NIPBL: variants seen among roughly 807,000 people sequenced by gnomAD.
The protein encoded by NIPBL is NIPBL cohesin loading factor.
NIPBL carries 19 observed loss-of-function variants against 321.8 expected under a neutral mutation model. The ratio of observed to expected loss-of-function variants is 0.06; its 90% CI spans 0.04 to 0.09. The LOEUF is 0.09. Ranked by LOEUF, NIPBL falls within the 10% of genes least tolerant of loss-of-function variation. NIPBL has a pLI of 1.00. For synonymous variants in NIPBL, 1,106 were observed against 1,114.1 expected (o/e 0.99, Z 0.14); for missense variants, 2,210 against 3,327.0 (o/e 0.66, Z 8.26).
chr5:36,969,349 T>C (rs1742596987), intron 6 of NIPBL, among the ~76,000 whole-genome samples: 1 of 152,134 alleles, frequency 6.6e-6, no homozygotes, highest in African/African-American at 2.4e-5. Context: ...TAATAAGGAA[T>C]GAAGTGTAGC....
intron 32 of NIPBL, among the ~76,000 whole-genome samples, chr5:37,029,857 A>G (rs1267872471): frequency 6.6e-6 from 1 of 152,070 alleles, no homozygotes; most frequent in East Asian, 1.9e-4. Context: ...ATCATCTTTC[A>G]TTTCATATTT....
chr5:37,014,874 C>T (rs1414170675), intron 22 of NIPBL, 109 bp downstream of exon 22: 3 of 717,508 alleles, frequency 4.2e-6, no homozygotes, highest in Non-Finnish European at 7.5e-6. Context: ...ACCTTGAATA[C>T]ATCTTCCTGA....
rs1753195534 is a variant in NIPBL at position 37,048,498 on chromosome 5, A to G, written c.6590-4A>G. The G allele has an allele frequency of 6.4e-7, 1 of 1,551,866 alleles. No homozygotes were observed. Among genetic ancestry groups the G allele is most frequent in the African/African-American group, 1.4e-5 (1 of 73,016 alleles). On this transcript the variant is annotated splice_region_variant and splice_polypyrimidine_tract_variant and intron_variant, in intron 38 of 46. Transcript: ENST00000282516. ...TATGATGAGATTTTTCCCCTCTCCC[A>G]TAGGATTTGCCTTTATTCAGCATCC...
chr5:37,047,022 GTTA>G (rs1753053727), intron 38 of NIPBL, among the ~76,000 whole-genome samples: 3 of 151,830 alleles, frequency 2.0e-5, no homozygotes, highest in African/African-American at 7.3e-5. Flanking sequence ...GACTTTTTTT[GTTA>G]TTATTCTCTA....
intron 8 of NIPBL, among the ~76,000 whole-genome samples, 196 bp downstream of exon 8, chr5:36,972,237 C>T (rs1377671405): frequency 6.6e-6 from 1 of 152,072 alleles, no homozygotes; most frequent in Non-Finnish European, 1.5e-5. Flanking sequence ...TTATCTTCCA[C>T]TTACCCAGTA....
chr5:37,023,953 G>A (rs1749964777), intron 29 of NIPBL, among the ~76,000 whole-genome samples: 1 of 151,762 alleles, frequency 6.6e-6, no homozygotes, highest in East Asian at 1.9e-4. Context: ...ATCACCCAAG[G>A]TCAGGAGTTC....
At chr5:36,930,328 A>C (rs1005754077) in intron 1 of NIPBL, among the ~76,000 whole-genome samples, 3 of 152,010 alleles carry the variant, frequency 2.0e-5, no homozygotes, top group Non-Finnish European at 4.4e-5. Context: ...TTTGAATGGA[A>C]TTGTTTTCTT....
chr5:36,880,507 T>C (rs1435191698), intron 1 of NIPBL, among the ~76,000 whole-genome samples: 1 of 152,056 alleles, frequency 6.6e-6, no homozygotes, highest in Non-Finnish European at 1.5e-5. Flanking sequence ...AAACAGTAAT[T>C]CCTTTTAGAG....
chr5:36,956,852 C>T (rs778825421), intron 3 of NIPBL, among the ~76,000 whole-genome samples: 10 of 151,552 alleles, frequency 6.6e-5, no homozygotes, highest in South Asian at 6.3e-4. Flanking sequence ...CTCAAATTCC[C>T]GACTTCAGGT....
At position 36,926,939 on chromosome 5, in the gene NIPBL, G is replaced by A. The variant is rs183485296; in HGVS notation, c.-79-26679G>A. On this transcript the variant is annotated intron_variant, in intron 1 of 46. Coordinates refer to ENST00000282516, the MANE Select transcript of NIPBL (RefSeq NM_133433.4). ...CGGGAACAAATTTAAACAGTTATTA[G>A]AATCAGAGCACCTATAATGGGAGTC... is the stretch of plus-strand genomic sequence containing the variant. Among the ~76,000 whole-genome samples the A allele has an allele frequency of 4.8e-4, 73 of 152,234 alleles. No individual in the cohort carries two copies. In the East Asian group the frequency reaches 0.01, roughly 22 times the overall value.
chr5:36,975,860 C>T lies in NIPBL; in HGVS notation c.953C>T (p.Ser318Phe). 6.2e-7 allele frequency: 1 copy of T among 1,611,954 alleles called. No homozygotes were observed. Among genetic ancestry groups the T allele is most frequent in the Non-Finnish European group, 8.5e-7 (1 of 1,179,274 alleles). The change falls in exon 9 of 47, where the codon TCT (serine) becomes TTT (phenylalanine). Residue 318 changes from serine (S) to phenylalanine (F), a missense_variant. Ser to Phe is a radical substitution (Grantham distance 155). Around this residue, in one of 14 missense-constraint regions of NIPBL, gnomAD observed 464 missense variants for 529.5 expected, o/e 0.88. Transcript: ENST00000282516. Reference sequence around the variant, plus strand: ...GTTCCACCAGATATCTTGCTAGATTCTCCAGAAAGAAAACAAAAGAAGCAG... The same window carrying T: ...GTTCCACCAGATATCTTGCTAGATTTTCCAGAAAGAAAACAAAAGAAGCAG... ...RDVPPDILLD[S>F]PERKQKKQKK...
At chr5:36,928,189 A>G (rs1331618882) in intron 1 of NIPBL, among the ~76,000 whole-genome samples, 1 of 152,196 alleles carries the variant, frequency 6.6e-6, no homozygotes, top group Non-Finnish European at 1.5e-5. Flanking sequence ...CTACTTTAAT[A>G]TATCAGTGAA....
Position 36,877,008 on chromosome 5 carries a change from G to A in NIPBL, c.-250G>A, listed in dbSNP as rs1025139484. On this transcript the variant is annotated 5_prime_UTR_variant, in exon 1 of 47. Transcript: ENST00000282516. ...TATGTGGGAGAAGGAGGAGGAGGAG[G>A]AAGAAGAAGCAACGATTTGTCTTCT... 2.3e-5 allele frequency: 9 copies of A among 383,494 alleles called. No homozygotes were observed. The highest frequency in any genetic ancestry group is 3.2e-5 in the Non-Finnish European group (7 of 216,470). The allele number at this position is 383,494 out of a possible 1,614,324, so 23.8% of individuals were successfully genotyped here.
At chr5:37,056,978 C>T (rs1754154756) in intron 42 of NIPBL, among the ~76,000 whole-genome samples, 1 of 151,732 alleles carries the variant, frequency 6.6e-6, no homozygotes, top group African/African-American at 2.4e-5. Context: ...ACCTGTCTCC[C>T]TTTCCCTTTT....
intron 21 of NIPBL, among the ~76,000 whole-genome samples, chr5:37,012,102 CTG>C (rs1229645121): frequency 2.0e-5 from 3 of 149,430 alleles, no homozygotes; most frequent in African/African-American, 4.9e-5. Flanking sequence ...ATTTTTATAA[CTG>C]TGAATTGACT....
chr5:36,936,131 T>C (rs1031538580), intron 1 of NIPBL, among the ~76,000 whole-genome samples: 2 of 152,188 alleles, frequency 1.3e-5, no homozygotes, highest in Non-Finnish European at 2.9e-5. Flanking sequence ...GTTACTTGAA[T>C]TAAATTTTTC....
At chr5:36,901,919 G>C (rs997225418) in intron 1 of NIPBL, among the ~76,000 whole-genome samples, 1 of 152,098 alleles carries the variant, frequency 6.6e-6, no homozygotes, top group African/African-American at 2.4e-5. Flanking sequence ...ACTAGCATCT[G>C]TTATTTTTTG....
intron 35 of NIPBL, 40 bp from the exon 36 acceptor site, chr5:37,044,596 T>A: frequency 7.6e-6 from 12 of 1,581,850 alleles, no homozygotes; most frequent in Non-Finnish European, 1.0e-5. Context: ...TAAAATAGTA[T>A]ATTTTTAACT....
intron 32 of NIPBL, among the ~76,000 whole-genome samples, chr5:37,029,317 T>C (rs1236804914): frequency 6.6e-6 from 1 of 152,222 alleles, no homozygotes; most frequent in Non-Finnish European, 1.5e-5. Flanking sequence ...ACATTGTTCC[T>C]ATCAATGGAG....
Sources: allele counts gnomAD v4.1 joint callset (sites outside exome capture counted in the v4.1 genomes callset), GRCh38; gene constraint gnomAD v4.1.1; regional missense constraint gnomAD v4.1.1; transcripts MANE v1.5; gene names NCBI Gene and HGNC (gene_info 2026-07-23, HGNC 2026-07-21).